GLRA2: variants seen among roughly 807,000 people sequenced by gnomAD.
GLRA2 encodes glycine receptor alpha 2, also known as glycine receptor subunit alpha-2.
Under a neutral mutation model 31.6 loss-of-function variants are expected in GLRA2, and 11 were observed. The observed-to-expected ratio is 0.35, with a 90% CI of 0.22 to 0.58. The LOEUF is 0.58. Among genes scored for constraint, GLRA2 ranks in the 20% least tolerant of loss-of-function variants. The probability of loss-of-function intolerance (pLI) is 0.84; values close to 1 mark genes in which losing one functional copy is unlikely to be tolerated. For missense variants in GLRA2, 212 were observed against 351.8 expected, an observed-to-expected ratio of 0.60 and a Z score of 3.18; for synonymous variants, 132 against 134.0, an observed-to-expected ratio of 0.99 and a Z score of 0.10.
the GLRA2 span, among the ~76,000 whole-genome samples, chrX:14,481,310 G>C: frequency 1.8e-5 from 2 of 111,113 alleles, no homozygotes; most frequent in East Asian, 2.8e-4. Context: ...TTAATGCCTG[G>C]GTGGCCTCTC....
chrX:14,487,387 TA>T, the GLRA2 span, among the ~76,000 whole-genome samples: 923 of 27,928 alleles, frequency 0.033, 6 homozygotes, highest in Non-Finnish European at 0.046. Context: ...TGGTTTTCTG[TA>T]AAAAAAAAAA....
chrX:14,456,326 C>T, the GLRA2 span, among the ~76,000 whole-genome samples: 1 of 111,267 alleles, frequency 9.0e-6, no homozygotes, highest in Non-Finnish European at 1.9e-5. Flanking sequence ...TTAGCATATC[C>T]ATTATCTCCA....
chrX:14,492,920 G>T, the GLRA2 span, among the ~76,000 whole-genome samples: 1 of 111,323 alleles, frequency 9.0e-6, no homozygotes, highest in East Asian at 2.8e-4. Context: ...GTGCCTTGTT[G>T]CTGTGTTCTC....
chrX:14,568,692 CAAAAAA>C (rs1390018705), intron 2 of GLRA2, among the ~76,000 whole-genome samples: 1 of 23,521 alleles, frequency 4.3e-5, no homozygotes, highest in Non-Finnish European at 7.6e-5. Flanking sequence ...GACTCTGTCT[CAAAAAA>C]AAAAAAAAAA....
intron 7 of GLRA2, among the ~76,000 whole-genome samples, chrX:14,688,135 T>C (rs768557958): frequency 9.0e-6 from 1 of 111,459 alleles, no homozygotes; most frequent in South Asian, 3.8e-4. Context: ...GAACAGCCAA[T>C]GTTGCTGCCT....
the GLRA2 span, among the ~76,000 whole-genome samples, chrX:14,502,030 C>T: frequency 1.8e-5 from 2 of 111,568 alleles, no homozygotes; most frequent in African/African-American, 6.5e-5. Flanking sequence ...CCAATAACCT[C>T]ATTTAGCCTT....
intron 8 of GLRA2, among the ~76,000 whole-genome samples, chrX:14,717,598 A>G (rs1022240216): frequency 1.8e-5 from 2 of 111,012 alleles, no homozygotes; most frequent in Non-Finnish European, 1.9e-5. Context: ...TTTGTCATAG[A>G]GTTGTATATA....
chrX:14,679,278 T>A, intron 7 of GLRA2, among the ~76,000 whole-genome samples: 1 of 110,518 alleles, frequency 9.0e-6, no homozygotes, highest in East Asian at 2.9e-4. Context: ...ATCAGATGAT[T>A]CAGAGATGTT....
intron 2 of GLRA2, among the ~76,000 whole-genome samples, chrX:14,545,778 G>A (rs1206319677): frequency 1.8e-5 from 2 of 111,313 alleles, no homozygotes; most frequent in Non-Finnish European, 3.8e-5. Flanking sequence ...AGATATTGGG[G>A]TATGAGAAGG....
intron 2 of GLRA2, among the ~76,000 whole-genome samples, chrX:14,536,900 AATG>A (rs767937101): frequency 8.9e-6 from 1 of 111,934 alleles, no homozygotes; most frequent in South Asian, 3.7e-4. Flanking sequence ...AAACTTTTAA[AATG>A]ATAAGAATAC....
At chrX:14,532,632 T>A (rs1226273810) in intron 2 of GLRA2, among the ~76,000 whole-genome samples, 1 of 111,609 alleles carries the variant, frequency 9.0e-6, no homozygotes, top group African/African-American at 3.3e-5. Flanking sequence ...GTCCTTATTT[T>A]TTCGTAAGTG....
At chrX:14,642,443 A>G (rs1157127194) in intron 7 of GLRA2, among the ~76,000 whole-genome samples, 2 of 112,043 alleles carry the variant, frequency 1.8e-5, no homozygotes, top group Non-Finnish European at 3.8e-5. Flanking sequence ...TTGGATGCAG[A>G]GGACAGAGAA....
At chrX:14,691,326 C>T (rs200269243) in intron 8 of GLRA2, among the ~76,000 whole-genome samples, 30 of 69,137 alleles carry the variant, frequency 4.3e-4, no homozygotes, top group African/African-American at 1.3e-3. Context: ...TGTGTGTGTG[C>T]GCGCGTGCGT....
At chrX:14,712,027 A>C (rs750909046) in intron 8 of GLRA2, among the ~76,000 whole-genome samples, 2 of 113,061 alleles carry the variant, frequency 1.8e-5, no homozygotes, top group South Asian at 7.2e-4. Context: ...GAGGCAGTGC[A>C]TTTTGTCATG....
chrX:14,721,258 G>T (rs2091862182), intron 8 of GLRA2, among the ~76,000 whole-genome samples: 1 of 110,810 alleles, frequency 9.0e-6, no homozygotes, highest in Non-Finnish European at 1.9e-5. Context: ...GAGATGTATT[G>T]CATAGCATGG....
chrX:14,532,579 TTC>T (rs2089271558), intron 2 of GLRA2, among the ~76,000 whole-genome samples: 1 of 112,094 alleles, frequency 8.9e-6, no homozygotes, highest in African/African-American at 3.2e-5. Context: ...CTTGTTTGTG[TTC>T]TATTTCACAA....
At chrX:14,526,073 G>A (rs988921829), upstream of GLRA2, among the ~76,000 whole-genome samples, 3 of 112,084 alleles carry the variant, frequency 2.7e-5, no homozygotes, top group African/African-American at 9.7e-5. Context: ...GCACTATGAA[G>A]GCCTGTAATA....
chrX:14,707,525 G>T (rs1569525125), intron 8 of GLRA2, among the ~76,000 whole-genome samples: 4 of 109,938 alleles, frequency 3.6e-5, no homozygotes, highest in Non-Finnish European at 5.7e-5. Context: ...CACCCTGGTA[G>T]TGAGCTTAGA....
At chrX:14,643,867 G>C (rs922810613) in intron 7 of GLRA2, among the ~76,000 whole-genome samples, 3 of 111,697 alleles carry the variant, frequency 2.7e-5, no homozygotes, top group Admixed American at 1.9e-4. Context: ...AAAAGTGGAA[G>C]GTGGGAAGTG....
Sources: gnomAD v4.1 joint callset for allele counts (sites outside exome capture counted in the v4.1 genomes callset) on GRCh38, gnomAD v4.1.1 for gene constraint, MANE v1.5 for transcripts, NCBI Gene and HGNC (gene_info 2026-07-23, HGNC 2026-07-21) for gene names.